The following GLB1 variants were observed in gnomAD, a reference collection of about 807,000 sequenced individuals.
The protein encoded by GLB1 is galactosidase beta 1.
GLB1 carries 56 observed loss-of-function variants against 74.0 expected under a neutral mutation model. The observed-to-expected ratio is 0.76, with a 90% CI of 0.61 to 0.94. The LOEUF (loss-of-function observed/expected upper bound fraction) is 0.94. Ranked by LOEUF, GLB1 falls within the 40% of genes least tolerant of loss-of-function variation. The pLI, the probability that GLB1 is intolerant of heterozygous loss-of-function variation, is 0.00. For missense variants in GLB1, 787 were observed against 845.5 expected, an observed-to-expected ratio of 0.93 and a Z score of 0.86; for synonymous variants, 323 against 323.6, an observed-to-expected ratio of 1.00 and a Z score of 0.02.
chr3:32,966,412 C>T, the GLB1 span, among the ~76,000 whole-genome samples: 15 of 152,124 alleles, frequency 9.9e-5, no homozygotes, highest in African/African-American at 3.4e-4. Context: ...TTGTTTTGGC[C>T]GATTTCTCCC....
At chr3:32,993,522 A>ACT (rs1696260019), downstream of GLB1, among the ~76,000 whole-genome samples, 1 of 62,256 alleles carries the variant, frequency 1.6e-5, no homozygotes, top group South Asian at 8.8e-4. Context: ...CATCCAGCTA[A>ACT]TTTTTTTTTT....
intron 10 of GLB1, among the ~76,000 whole-genome samples, chr3:33,028,832 A>C (rs573391484): frequency 1.0e-3 from 159 of 151,866 alleles, no homozygotes; most frequent in African/African-American, 3.4e-3. Context: ...CGCCTGGCTA[A>C]TTTTTTGTAT....
intron 1 of GLB1, among the ~76,000 whole-genome samples, chr3:33,083,858 C>T (rs7612742): frequency 1.7e-4 from 26 of 152,178 alleles, no homozygotes; most frequent in African/African-American, 5.5e-4. Flanking sequence ...AAAAATTAAA[C>T]ATAACACAAT....
intron 1 of GLB1, chr3:33,092,984 G>C (rs774227534): frequency 6.2e-7 from 1 of 1,614,244 alleles, no homozygotes; most frequent in Admixed American, 1.7e-5. Context: ...TCAGGAGATA[G>C]GCTGCTACGT....
the GLB1 span, among the ~76,000 whole-genome samples, chr3:32,968,308 A>G: frequency 1.3e-5 from 2 of 152,142 alleles, no homozygotes; most frequent in African/African-American, 4.8e-5. Flanking sequence ...GGACATTGGA[A>G]GGATAAATGT....
Position 32,997,254 on chromosome 3 carries a change from T to C in GLB1, c.1825A>G (p.Met609Val). Residue 609 changes from methionine (M) to valine (V), a missense_variant, in exon 16 of 16, where the codon ATG becomes GTG. Physicochemically the swap from Met to Val is conservative, Grantham distance 21. Transcript: ENST00000307363. The stretch of plus-strand genomic sequence containing the variant: ...GTGATGGTGTTTGGGGCCGAGGTCA[T>C]CAGGATGTGCTGGGGCACAAACAAG... Reference protein sequence around the residue: ...LTLFVPQHILMTSAPNTITVL... With the variant: ...LTLFVPQHILVTSAPNTITVL... 1.2e-6 allele frequency: 2 copies of C among 1,614,122 alleles called. No individual in the cohort carries two copies. The highest frequency in any genetic ancestry group is 4.5e-5 in the East Asian group (2 of 44,868).
At chr3:33,042,105 A>G (rs1698525222) in intron 10 of GLB1, among the ~76,000 whole-genome samples, 1 of 152,110 alleles carries the variant, frequency 6.6e-6, no homozygotes, top group Non-Finnish European at 1.5e-5. Context: ...AGTTCCTACT[A>G]CCTTCATAAG....
At position 33,093,582 on chromosome 3, in the gene GLB1, T is replaced by A. The variant is rs753533511; in HGVS notation, c.75+3429A>T. On this transcript the variant is annotated intron_variant, in intron 1 of 15. Coordinates refer to ENST00000307363, the MANE Select transcript of GLB1 (RefSeq NM_000404.4). This position sits in a 1 kb window ranked among gnomAD's most constrained non-coding sequence, Gnocchi z 6.0. ...TGAGAGGAGCACGATCTTGAGGTTG[T>A]TCATTGAGGCAGGCAGCTGATGGAT... The A allele has an allele frequency of 3.1e-6, 5 of 1,614,172 alleles. No homozygotes were observed.
At chr3:33,091,152 A>G in intron 1 of GLB1, 1 of 985,458 alleles carries the variant, frequency 1.0e-6, no homozygotes, top group Non-Finnish European at 1.2e-6. Flanking sequence ...GTCGGGACAC[A>G]AGAAAAGTGA....
chr3:33,071,430 A>T (rs1699883072), intron 2 of GLB1, among the ~76,000 whole-genome samples: 1 of 152,030 alleles, frequency 6.6e-6, no homozygotes. Context: ...CTTGCCTGTT[A>T]GTTAGTTACT....
intron 10 of GLB1, among the ~76,000 whole-genome samples, chr3:33,043,853 A>AAAAG (rs1267167976): frequency 6.6e-6 from 1 of 151,278 alleles, no homozygotes; most frequent in East Asian, 1.9e-4. Context: ...AGAAAAAAAA[A>AAAAG]AAAAAAAAAG....
intron 1 of GLB1, chr3:33,077,144 C>T: frequency 6.9e-7 from 1 of 1,440,646 alleles, no homozygotes; most frequent in Non-Finnish European, 9.2e-7. Context: ...CTTGCGTGCT[C>T]ATTCGGTGCA....
chr3:32,967,851 C>T, the GLB1 span, among the ~76,000 whole-genome samples: 10 of 152,216 alleles, frequency 6.6e-5, no homozygotes, highest in Admixed American at 3.9e-4. Flanking sequence ...TGCCTGGTAG[C>T]GGAACGGAAC....
At chr3:32,963,726 T>C in the GLB1 span, among the ~76,000 whole-genome samples, 1 of 152,216 alleles carries the variant, frequency 6.6e-6, no homozygotes, top group Non-Finnish European at 1.5e-5. Context: ...TTAAGTGCAT[T>C]TTGAAAACCT....
Position 33,093,210 on chromosome 3 carries a change from A to T in GLB1, c.75+3801T>A. 2 of 1,613,678 alleles carry T rather than the reference A, an allele frequency of 1.2e-6. No individual in the cohort carries two copies. The highest frequency in any genetic ancestry group is 1.7e-6 in the Non-Finnish European group (2 of 1,180,004). ...AATATCGTCCACCCCAGCCAAGCAG[A>T]TCCAGTCCTCATCCTCACTCCCACT... On this transcript the variant is annotated intron_variant, in intron 1 of 15. Transcript: ENST00000307363. The surrounding 1 kb of genome is among the most constrained non-coding windows in gnomAD (Gnocchi z 6.0).
the GLB1 span, among the ~76,000 whole-genome samples, chr3:32,962,785 A>G: frequency 1.3e-5 from 2 of 151,756 alleles, no homozygotes; most frequent in Admixed American, 1.3e-4. Context: ...TATGGGAACA[A>G]CTTAGTCTAA....
At chr3:33,079,337 T>C (rs1165250623) in intron 1 of GLB1, among the ~76,000 whole-genome samples, 3 of 152,232 alleles carry the variant, frequency 2.0e-5, no homozygotes, top group Non-Finnish European at 4.4e-5. Context: ...TTTCATTGTA[T>C]GTAAATTTTA....
chr3:33,075,515 G>C (rs990659959), intron 1 of GLB1, among the ~76,000 whole-genome samples: 1 of 152,206 alleles, frequency 6.6e-6, no homozygotes, highest in Non-Finnish European at 1.5e-5. Flanking sequence ...TACGTGCTGA[G>C]TAATCACAGA....
intron 1 of GLB1, among the ~76,000 whole-genome samples, chr3:33,074,346 AAGGAAGGAAGGAAG>A (rs1559412769): frequency 2.7e-5 from 2 of 74,508 alleles, no homozygotes; most frequent in African/African-American, 1.0e-4. Context: ...GGAAGGAAGG[AAGGAAGGAAGGAAG>A]GAAGGAAGGA....
Sources: gnomAD v4.1 joint callset for allele counts (sites outside exome capture counted in the v4.1 genomes callset) on GRCh38, gnomAD v4.1.1 for gene constraint, Gnocchi (gnomAD v3.1) non-coding constraint, MANE v1.5 for transcripts, NCBI Gene and HGNC (gene_info 2026-07-23, HGNC 2026-07-21) for gene names.